Variants in ZFHX3 observed in about 807,000 individuals in gnomAD.
ZFHX3 encodes the protein zinc finger homeobox 3, also known as zinc finger homeobox protein 3.
ZFHX3 carries 42 observed loss-of-function variants against 279.1 expected under a neutral mutation model. The ratio of observed to expected loss-of-function variants is 0.15; its 90% CI spans 0.12 to 0.19. The LOEUF (loss-of-function observed/expected upper bound fraction) is 0.19, where lower values mean the gene tolerates loss of function less well. Ranked by LOEUF, ZFHX3 falls within the 10% of genes least tolerant of loss-of-function variation. The pLI, the probability that ZFHX3 is intolerant of heterozygous loss-of-function variation, is 1.00. For missense variants in ZFHX3, 4,981 were observed against 4,754.0 expected (o/e 1.05, Z -1.40); for synonymous variants, 2,293 against 1,957.8 (o/e 1.17, Z -4.52).
intron 2 of ZFHX3, among the ~76,000 whole-genome samples, chr16:73,493,402 C>A (rs928733267): frequency 2.6e-5 from 4 of 152,176 alleles, no homozygotes; most frequent in African/African-American, 9.7e-5. Flanking sequence ...CTTGTAAGTT[C>A]TATCACATAA....
chr16:73,887,274 C>T (rs1174913034), intron 1 of ZFHX3, among the ~76,000 whole-genome samples: 1 of 152,118 alleles, frequency 6.6e-6, no homozygotes, highest in Non-Finnish European at 1.5e-5. Flanking sequence ...ATAAAACAAA[C>T]GAGAGATTTT....
chr16:73,198,821 G>A (rs761747820), intron 5 of ZFHX3, among the ~76,000 whole-genome samples: 1 of 152,124 alleles, frequency 6.6e-6, no homozygotes, highest in Non-Finnish European at 1.5e-5. Flanking sequence ...CAAAGCCAAC[G>A]GCACTGGATT....
At chr16:73,661,899 A>T (rs541525914) in intron 2 of ZFHX3, among the ~76,000 whole-genome samples, 2 of 152,194 alleles carry the variant, frequency 1.3e-5, no homozygotes, top group Admixed American at 1.3e-4. Context: ...TCAACATAAG[A>T]AAGATTTCAT....
At chr16:73,093,584 C>T (rs1417351983) in exon 8 of ZFHX3, 2 of 512,448 alleles carry the variant, frequency 3.9e-6, no homozygotes, top group Admixed American at 4.0e-5. Context: ...TCATCTTGGG[C>T]TAACCGGTCG....
intron 4 of ZFHX3, among the ~76,000 whole-genome samples, chr16:72,874,886 T>TG (rs754446261): frequency 1.1e-4 from 17 of 152,204 alleles, no homozygotes; most frequent in Admixed American, 7.2e-4. Flanking sequence ...CCCCACCTTC[T>TG]GCTGTCTTCA....
intron 5 of ZFHX3, among the ~76,000 whole-genome samples, chr16:73,183,494 T>C (rs1191709828): frequency 6.6e-6 from 1 of 152,196 alleles, no homozygotes; most frequent in Non-Finnish European, 1.5e-5. Context: ...TTCTTTGTGT[T>C]TTCCCCCTGA....
At chr16:73,411,160 C>A (rs190615129) in intron 3 of ZFHX3, among the ~76,000 whole-genome samples, 3 of 152,340 alleles carry the variant, frequency 2.0e-5, no homozygotes, top group East Asian at 1.9e-4. Flanking sequence ...AGACTGGGAA[C>A]AACCACAAGC....
chr16:73,651,680 CAAAAAAAA>C (rs57386925), intron 2 of ZFHX3, among the ~76,000 whole-genome samples: 1 of 41,660 alleles, frequency 2.4e-5, no homozygotes, highest in Non-Finnish European at 4.9e-5. Flanking sequence ...ACTAAAAATA[CAAAAAAAA>C]AAAAAAAAAA....
intron 3 of ZFHX3, among the ~76,000 whole-genome samples, chr16:73,361,000 C>T (rs8047434): frequency 0.012 from 1,804 of 152,268 alleles, 44 homozygotes; most frequent in African/African-American, 0.041. Context: ...CAAAAACACA[C>T]ACATAAAAGC....
At chr16:73,298,278 A>T (rs2014969988) in intron 4 of ZFHX3, among the ~76,000 whole-genome samples, 1 of 150,526 alleles carries the variant, frequency 6.6e-6, no homozygotes, top group Admixed American at 6.6e-5. Context: ...CGCCCCTCCC[A>T]GGTTCAAGCG....
intron 1 of ZFHX3, among the ~76,000 whole-genome samples, chr16:73,000,386 G>C (rs1963449157): frequency 6.6e-6 from 1 of 152,322 alleles, no homozygotes; most frequent in Admixed American, 6.5e-5. Context: ...TCTGCACAAA[G>C]CTCAGCTTGT....
intron 3 of ZFHX3, among the ~76,000 whole-genome samples, chr16:73,375,307 T>C (rs573728397): frequency 7.2e-5 from 11 of 152,364 alleles, no homozygotes; most frequent in Admixed American, 6.5e-4. Context: ...AGTTGACTCA[T>C]GCATCCTTCC....
chr16:73,252,399 G>A (rs113229128), intron 5 of ZFHX3, among the ~76,000 whole-genome samples: 1 of 152,314 alleles, frequency 6.6e-6, no homozygotes, highest in Non-Finnish European at 1.5e-5. Flanking sequence ...AAGCAGAACA[G>A]GTAGAGCAGT....
intron 1 of ZFHX3, among the ~76,000 whole-genome samples, chr16:73,775,663 G>A (rs1255408236): frequency 2.6e-5 from 4 of 152,136 alleles, no homozygotes; most frequent in Admixed American, 2.6e-4. Context: ...AAAACGCAGG[G>A]GTAGTAATTA....
At chr16:73,001,271 G>T (rs1039663335) in intron 1 of ZFHX3, among the ~76,000 whole-genome samples, 3 of 152,182 alleles carry the variant, frequency 2.0e-5, no homozygotes, top group Admixed American at 6.5e-5. Flanking sequence ...TTGGGGAAAT[G>T]AATCCTATCA....
chr16:73,344,319 A>T (rs1252113979), intron 3 of ZFHX3, among the ~76,000 whole-genome samples: 1 of 152,212 alleles, frequency 6.6e-6, no homozygotes, highest in Non-Finnish European at 1.5e-5. Flanking sequence ...CAAATTGAGT[A>T]ACCTTCTACA....
At chr16:73,337,315 G>A (rs374758644) in intron 3 of ZFHX3, among the ~76,000 whole-genome samples, 4 of 152,042 alleles carry the variant, frequency 2.6e-5, no homozygotes, top group African/African-American at 7.2e-5. Flanking sequence ...CCCTCTACAC[G>A]TTCTGGCGAC....
chr16:72,843,016 T>A (rs191010982), intron 4 of ZFHX3, among the ~76,000 whole-genome samples: 130 of 152,184 alleles, frequency 8.5e-4, no homozygotes, highest in Non-Finnish European at 9.7e-4. Context: ...ATAAAAAGGA[T>A]AACTAGGCAG....
chr16:73,737,515 A>G (rs1845050829), intron 1 of ZFHX3, among the ~76,000 whole-genome samples: 1 of 152,198 alleles, frequency 6.6e-6, no homozygotes, highest in Admixed American at 6.5e-5. Flanking sequence ...TTTTACCATC[A>G]TGAAGAGTAA....
Sources: allele counts gnomAD v4.1 joint callset (sites outside exome capture counted in the v4.1 genomes callset), GRCh38; gene constraint gnomAD v4.1.1; transcripts MANE v1.5; gene names NCBI Gene and HGNC (gene_info 2026-07-23, HGNC 2026-07-21).